FMNL2: variants seen among roughly 807,000 people sequenced by gnomAD.
The protein encoded by FMNL2 is formin-like protein 2.
A neutral mutation model predicts 130.2 loss-of-function variants in FMNL2; 51 were observed. That is an observed-to-expected ratio of 0.39 (90% CI 0.31 to 0.49). The LOEUF (loss-of-function observed/expected upper bound fraction) is 0.49. Ranked by LOEUF, FMNL2 falls within the 20% of genes least tolerant of loss-of-function variation. FMNL2 has a pLI of 0.85. For synonymous variants in FMNL2, 465 were observed against 467.1 expected, an observed-to-expected ratio of 1.00 and a Z score of 0.06; for missense variants, 977 against 1,316.2, an observed-to-expected ratio of 0.74 and a Z score of 3.99.
rs1342697323 is a variant in FMNL2 at position 152,649,728 on chromosome 2, GCTT to G, written c.*1827_*1829del. 2 of 152,578 alleles carry G rather than the reference GCTT, an allele frequency of 1.3e-5. No homozygotes were observed. Among genetic ancestry groups the G allele is most frequent in the Non-Finnish European group, 2.9e-5 (2 of 68,040 alleles). The allele number at this position is 152,578 out of a possible 1,614,324, so 9.5% of individuals were successfully genotyped here. A position where few individuals can be genotyped will look rare whatever the true frequency, so the allele number is the denominator to read the frequency against. ...TTTCTGTTTGTCTATTAATGGGCCT[GCTT>G]CTTAGCAATATTAGAATGTTTTATA... On this transcript the variant is annotated 3_prime_UTR_variant, in exon 26 of 26. Coordinates refer to ENST00000288670, the MANE Select transcript of FMNL2 (RefSeq NM_052905.4).
intron 9 of FMNL2, among the ~76,000 whole-genome samples, chr2:152,595,451 G>T (rs1697711804): frequency 6.6e-6 from 1 of 152,108 alleles, no homozygotes; most frequent in African/African-American, 2.4e-5. Context: ...CTCCTGAGTA[G>T]TTGGGACTAC....
chr2:152,403,883 C>T (rs976541104), intron 1 of FMNL2, among the ~76,000 whole-genome samples: 3 of 152,196 alleles, frequency 2.0e-5, no homozygotes, highest in Non-Finnish European at 4.4e-5. Context: ...ACCTGGCCAA[C>T]ATGGTGAAAC....
At chr2:152,464,808 G>C (rs1689436227) in intron 1 of FMNL2, among the ~76,000 whole-genome samples, 1 of 152,220 alleles carries the variant, frequency 6.6e-6, no homozygotes, top group Non-Finnish European at 1.5e-5. Flanking sequence ...CTGTGTGCAT[G>C]TTGTTGCTGT....
At chr2:152,375,290 C>T (rs541452777) in intron 1 of FMNL2, among the ~76,000 whole-genome samples, 10 of 152,326 alleles carry the variant, frequency 6.6e-5, no homozygotes, top group African/African-American at 2.4e-4. Context: ...CCATTCCCTG[C>T]TGAGCACCTT....
intron 9 of FMNL2, among the ~76,000 whole-genome samples, chr2:152,607,006 G>GTTTTTTTTTTTTTTTTT (rs58237890): frequency 5.5e-4 from 47 of 84,824 alleles, no homozygotes; most frequent in East Asian, 4.3e-3. Flanking sequence ...TTTTTTTTTT[G>GTTTTTTTTTTTTTTTTT]TTTTTTTTTT....
chr2:152,350,171 AGGTAAGAGCCCTCGGGAG>A (rs984823375), intron 1 of FMNL2, among the ~76,000 whole-genome samples: 12 of 152,178 alleles, frequency 7.9e-5, no homozygotes, highest in Admixed American at 7.2e-4. Flanking sequence ...TAGTGTGATC[AGGTAAGAGCCCTCGGGAG>A]GGAGGAGTAG....
At chr2:152,444,910 G>A (rs1007529203) in intron 1 of FMNL2, among the ~76,000 whole-genome samples, 2 of 152,226 alleles carry the variant, frequency 1.3e-5, no homozygotes, top group African/African-American at 4.8e-5. Context: ...CAGGATCTCA[G>A]TCCTCTTCAT....
At chr2:152,552,241 T>TA (rs1694974648) in intron 4 of FMNL2, among the ~76,000 whole-genome samples, 1 of 152,210 alleles carries the variant, frequency 6.6e-6, no homozygotes, top group Non-Finnish European at 1.5e-5. Flanking sequence ...AGTTGTTTGT[T>TA]ATGCTTGTTG....
chr2:152,492,626 T>A (rs1691277840), intron 1 of FMNL2, among the ~76,000 whole-genome samples: 1 of 152,228 alleles, frequency 6.6e-6, no homozygotes, highest in Non-Finnish European at 1.5e-5. Context: ...TTCATAATTT[T>A]CCATGTTTGT....
rs1374874214 is a variant in FMNL2 at position 152,412,500 on chromosome 2, AT to A, written c.117+76781del. Among the ~76,000 whole-genome samples, 132 of 100,058 alleles carry A rather than the reference AT, an allele frequency of 1.3e-3. 3 individuals carry two copies. The highest frequency in any genetic ancestry group is 6.0e-3 in the Middle Eastern group (1 of 166). The allele number at this position is 100,058 out of a possible 152,430, so 65.6% of individuals were successfully genotyped here. ...TATATATATATATATATATATATAT[AT>A]AAATTAGAAAAAAATTGAAACAGGG... On this transcript the variant is annotated intron_variant, in intron 1 of 25. Transcript: ENST00000288670.
chr2:152,500,574 G>A (rs1691763767), intron 1 of FMNL2, among the ~76,000 whole-genome samples: 1 of 152,228 alleles, frequency 6.6e-6, no homozygotes, highest in Non-Finnish European at 1.5e-5. Flanking sequence ...ATCAAGCCGG[G>A]TGCGATGGCT....
chr2:152,338,820 T>TACACACACACAC (rs58367779), intron 1 of FMNL2, among the ~76,000 whole-genome samples: 5,191 of 148,860 alleles, frequency 0.035, 128 homozygotes, highest in Middle Eastern at 0.085. Flanking sequence ...GAAGGTGAGA[T>TACACACACACAC]ACACACACAC....
rs1699146794 is a variant in FMNL2, at chr2:152,619,661, G to A, written c.1780G>A (p.Ala594Thr). The change falls in exon 15 of 26, where the codon GCA becomes ACA. Residue 594 changes from alanine (A) to threonine (T), a missense_variant. Physicochemically the swap from Ala to Thr is moderately conservative, Grantham distance 58 (BLOSUM62 0). Transcript: ENST00000288670. ...TCCCTTAGCACCTCCCCTTCCCTCT[G>A]CACCTCCGCTGCCTGGAACATCTTC... ...APPLAPPLPS[A>T]PPLPGTSSPT... 3 of 1,585,018 alleles carry A rather than the reference G, an allele frequency of 1.9e-6. No individual in the cohort carries two copies. The highest frequency in any genetic ancestry group is 2.6e-6 in the Non-Finnish European group (3 of 1,163,232).
intron 6 of FMNL2, among the ~76,000 whole-genome samples, chr2:152,564,585 T>C (rs1397051515): frequency 1.3e-5 from 2 of 151,868 alleles, no homozygotes; most frequent in Non-Finnish European, 2.9e-5. Context: ...CAACAAAAAC[T>C]AGCTGGGTGT....
At chr2:152,467,353 T>A (rs1281634708) in intron 1 of FMNL2, among the ~76,000 whole-genome samples, 5 of 152,324 alleles carry the variant, frequency 3.3e-5, no homozygotes, top group African/African-American at 1.2e-4. Context: ...TCAAAATAGA[T>A]GTAACCAGAC....
At chr2:152,502,782 T>A (rs983760931) in intron 1 of FMNL2, among the ~76,000 whole-genome samples, 1 of 152,158 alleles carries the variant, frequency 6.6e-6, no homozygotes, top group African/African-American at 2.4e-5. Context: ...TATGGTGGGT[T>A]TGCGAGTTTA....
chr2:152,363,551 T>C (rs1035328138), intron 1 of FMNL2, among the ~76,000 whole-genome samples: 7 of 149,522 alleles, frequency 4.7e-5, no homozygotes, highest in Non-Finnish European at 8.9e-5. Context: ...CTCAGTGAGT[T>C]TTTTTCTTTT....
intron 9 of FMNL2, among the ~76,000 whole-genome samples, chr2:152,600,328 G>A (rs151135775): frequency 6.2e-4 from 94 of 152,316 alleles, no homozygotes; most frequent in African/African-American, 2.1e-3. Flanking sequence ...AAACACTTAA[G>A]CAAAGGGCCT....
chr2:152,525,597 C>T (rs1006273750), intron 2 of FMNL2, among the ~76,000 whole-genome samples: 2 of 152,194 alleles, frequency 1.3e-5, no homozygotes, highest in African/African-American at 2.4e-5. Flanking sequence ...TGGAAAATCT[C>T]CCCTTTCTTT....
Sources: gnomAD v4.1 joint callset for allele counts (sites outside exome capture counted in the v4.1 genomes callset) on GRCh38, gnomAD v4.1.1 for gene constraint, MANE v1.5 for transcripts, NCBI Gene and HGNC (gene_info 2026-07-23, HGNC 2026-07-21) for gene names.